Variants in PDCD10 observed in about 807,000 individuals in gnomAD.
PDCD10 encodes programmed cell death protein 10.
In PDCD10, 4 loss-of-function variants were observed where a neutral mutation model predicts 29.2. The ratio of observed to expected loss-of-function variants is 0.14; its 90% CI spans 0.07 to 0.31. PDCD10 has a LOEUF of 0.31. PDCD10 is among the 10% of genes least tolerant of loss of function. The pLI, the probability that PDCD10 is intolerant of heterozygous loss-of-function variation, is 1.00. For missense variants in PDCD10, 183 were observed against 257.9 expected (o/e 0.71, Z 1.99); for synonymous variants, 70 against 82.2 (o/e 0.85, Z 0.80).
At chr3:167,710,689 C>T (rs1273938081) in intron 3 of PDCD10, among the ~76,000 whole-genome samples, 1 of 152,206 alleles carries the variant, frequency 6.6e-6, no homozygotes, top group Non-Finnish European at 1.5e-5. Flanking sequence ...TGTAGAACCA[C>T]AGGGCCTTGA....
rs749023228 is a variant in PDCD10, at chr3:167,697,016, A to G, written c.261T>C (p.Asp87=). Residue 87 remains aspartate (D), a synonymous_variant, in exon 5 of 9, where the codon GAT becomes GAC. Transcript: ENST00000392750. ...GGTTCTTCTGTCCGTTACCTTCTAC[A>G]TCATCAGCTGCCATACGAAGAAGGG... ...TESLLRMAAD[D]VEEYMIERPE... 4 of 1,531,986 alleles carry G rather than the reference A, an allele frequency of 2.6e-6. No homozygotes were observed. Among genetic ancestry groups the G allele is most frequent in the Non-Finnish European group, 2.7e-6 (3 of 1,105,054 alleles). 94.9% of individuals were successfully genotyped at this position (1,531,986 alleles called of 1,614,324 possible).
intron 2 of PDCD10, among the ~76,000 whole-genome samples, chr3:167,725,148 T>C (rs2108496740): frequency 6.6e-6 from 1 of 151,776 alleles, no homozygotes; most frequent in East Asian, 1.9e-4. Flanking sequence ...TCCCAGCTAC[T>C]CAGGAGGCTG....
intron 4 of PDCD10, among the ~76,000 whole-genome samples, chr3:167,701,786 C>T (rs9813823): frequency 0.23 from 34,653 of 151,994 alleles, 4,138 homozygotes; most frequent in Non-Finnish European, 0.26. Context: ...AAAAACCCAT[C>T]GAGCCTAAAA....
chr3:167,730,210 TTGTG>T (rs145585689), intron 2 of PDCD10, among the ~76,000 whole-genome samples: 1 of 150,724 alleles, frequency 6.6e-6, no homozygotes, highest in Admixed American at 6.6e-5. Flanking sequence ...ATTTTTTGCA[TTGTG>T]TGTGTGTGTG....
At chr3:167,700,426 CAAG>C (rs954149574) in intron 4 of PDCD10, among the ~76,000 whole-genome samples, 10 of 150,768 alleles carry the variant, frequency 6.6e-5, no homozygotes, top group African/African-American at 2.0e-4. Flanking sequence ...CATGACATTA[CAAG>C]AAGGTGTATT....
intron 3 of PDCD10, among the ~76,000 whole-genome samples, chr3:167,716,648 T>C (rs1279506317): frequency 6.6e-6 from 1 of 151,882 alleles, no homozygotes; most frequent in Admixed American, 6.6e-5. Context: ...CAGGTTTCAT[T>C]TGCTAACTAG....
At chr3:167,727,846 T>C (rs891349186) in intron 2 of PDCD10, among the ~76,000 whole-genome samples, 1 of 152,182 alleles carries the variant, frequency 6.6e-6, no homozygotes, top group African/African-American at 2.4e-5. Flanking sequence ...CACAATTTCT[T>C]TGCACCAAAA....
intron 3 of PDCD10, among the ~76,000 whole-genome samples, chr3:167,711,335 A>G (rs909180962): frequency 2.6e-5 from 4 of 152,198 alleles, no homozygotes; most frequent in African/African-American, 9.6e-5. Context: ...GACTGAAATT[A>G]TTTTGTAAAA....
chr3:167,686,575 T>C (rs1719648306), intron 8 of PDCD10, among the ~76,000 whole-genome samples: 1 of 152,208 alleles, frequency 6.6e-6, no homozygotes. Flanking sequence ...TTAACTTTAG[T>C]GCAGTAGTTC....
rs1309146930 is a variant in PDCD10, at chr3:167,734,347, T to C, written c.-250A>G. On this transcript the variant is annotated 5_prime_UTR_variant, in exon 2 of 9. Coordinates refer to ENST00000392750, the MANE Select transcript of PDCD10 (RefSeq NM_007217.4). ...TCTCTTCCTTCTTCCAGTGCTCCTC[T>C]TCCCTCAAAGGGCATAACCCGAGTC... 1.3e-5 allele frequency: 2 copies of C among 152,514 alleles called. No individual in the cohort carries two copies. Among genetic ancestry groups the C allele is most frequent in the Non-Finnish European group, 2.9e-5 (2 of 68,312 alleles). The allele number at this position is 152,514 out of a possible 1,614,324, so 9.4% of individuals were successfully genotyped here.
chr3:167,686,316 C>T (rs1026940525), intron 8 of PDCD10, among the ~76,000 whole-genome samples: 1 of 152,108 alleles, frequency 6.6e-6, no homozygotes, highest in Non-Finnish European at 1.5e-5. Flanking sequence ...AAAATAATGT[C>T]CAATTTACAT....
intron 6 of PDCD10, chr3:167,694,357 G>T: frequency 5.1e-6 from 1 of 197,350 alleles, no homozygotes; most frequent in South Asian, 9.8e-5. Flanking sequence ...TAATCAGACT[G>T]GGCTTCTTTC....
intron 4 of PDCD10, among the ~76,000 whole-genome samples, chr3:167,700,624 A>T (rs1422684153): frequency 6.6e-6 from 1 of 152,206 alleles, no homozygotes; most frequent in African/African-American, 2.4e-5. Context: ...GATATCTATA[A>T]GAAAGGCATA....
At chr3:167,698,359 G>GAT (rs1289511737) in intron 4 of PDCD10, among the ~76,000 whole-genome samples, 1 of 151,908 alleles carries the variant, frequency 6.6e-6, no homozygotes, top group Non-Finnish European at 1.5e-5. Flanking sequence ...TCCTTCCATG[G>GAT]ATATATATTT....
intron 2 of PDCD10, among the ~76,000 whole-genome samples, chr3:167,733,960 T>A (rs1161722407): frequency 1.3e-5 from 2 of 152,180 alleles, no homozygotes; most frequent in African/African-American, 4.8e-5. Context: ...TTCACTCCGG[T>A]TCAAGAAACA....
rs1236250409 is a variant in PDCD10, at chr3:167,734,290, A to C, written c.-193T>G. On this transcript the variant is annotated 5_prime_UTR_variant, in exon 2 of 9. Transcript: ENST00000392750. ...TCTCCTTAGAGGGCCACATCATTAA[A>C]CTGGAACTGAATCCGTAGACCCCAA... is the stretch of plus-strand genomic sequence containing the variant. 2.6e-5 allele frequency: 4 copies of C among 152,248 alleles called. No individual in the cohort carries two copies. The highest frequency in any genetic ancestry group is 9.7e-5 in the African/African-American group (4 of 41,402). The allele number at this position is 152,248 out of a possible 1,614,324, so 9.4% of individuals were successfully genotyped here.
chr3:167,734,283 T>A lies in PDCD10; in HGVS notation c.-186A>T, dbSNP rs1279879923. The A allele has an allele frequency of 6.6e-6, 1 of 152,248 alleles. No homozygotes were observed. The highest frequency in any genetic ancestry group is 2.4e-5 in the African/African-American group (1 of 41,422). 9.4% of individuals were successfully genotyped at this position (152,248 alleles called of 1,614,324 possible). A position where few individuals can be genotyped will look rare whatever the true frequency, so the allele number is the denominator to read the frequency against. ...AAAATTATCTCCTTAGAGGGCCACA[T>A]CATTAAACTGGAACTGAATCCGTAG... On this transcript the variant is annotated 5_prime_UTR_variant, in exon 2 of 9. An upstream start codon of the reference 5' UTR is lost. Transcript: ENST00000392750.
intron 3 of PDCD10, among the ~76,000 whole-genome samples, chr3:167,705,174 T>A (rs912023102): frequency 6.6e-6 from 1 of 152,178 alleles, no homozygotes; most frequent in Non-Finnish European, 1.5e-5. Flanking sequence ...ATTAACATCC[T>A]TACTACACAT....
intron 3 of PDCD10, 117 bp from the exon 4 acceptor site, chr3:167,705,012 T>C (rs1721836653): frequency 9.3e-6 from 6 of 646,472 alleles, no homozygotes; most frequent in Admixed American, 9.1e-5. Flanking sequence ...AACATTCTTG[T>C]TAACAATTGT....
Sources: allele counts gnomAD v4.1 joint callset (sites outside exome capture counted in the v4.1 genomes callset), GRCh38; gene constraint gnomAD v4.1.1; transcripts MANE v1.5; gene names NCBI Gene and HGNC (gene_info 2026-07-23, HGNC 2026-07-21).